Variants in TTN observed in about 807,000 individuals in gnomAD.
TTN encodes the protein titin, also known as connectin.
A neutral mutation model predicts 3,223.0 loss-of-function variants in TTN; 1,525 were observed. The observed-to-expected ratio is 0.47, with a 90% confidence interval of 0.45 to 0.49. The LOEUF (loss-of-function observed/expected upper bound fraction) is 0.49. TTN is among the 20% of genes least tolerant of loss of function. The pLI, the probability that TTN is intolerant of heterozygous loss-of-function variation, is 0.00. For missense variants in TTN, 40,786 were observed against 43,424.0 expected (o/e 0.94, Z 5.40); for synonymous variants, 14,094 against 15,161.0 (o/e 0.93, Z 5.17).
At position 178,561,372 on chromosome 2, in the gene TTN, C is replaced by T; in HGVS notation, c.84760G>A (p.Asp28254Asn). Residue 28254 changes from aspartate (D) to asparagine (N), a missense_variant, in exon 326 of 363, where the codon GAC becomes AAC. By Grantham distance (23) the Asp-to-Asn change is conservative (BLOSUM62 1). Transcript: ENST00000589042. Reference protein sequence around the residue: ...CEPVPARDPCDPPGQPEVTNI... With the variant: ...CEPVPARDPCNPPGQPEVTNI... Reference sequence around the variant, plus strand: ...GTGACTTCAGGTTGTCCAGGAGGGTCACAAGGATCTCTTGCAGGGACTGGT... The same window carrying T: ...GTGACTTCAGGTTGTCCAGGAGGGTTACAAGGATCTCTTGCAGGGACTGGT... 6.2e-7 allele frequency: 1 copy of T among 1,613,732 alleles called. No homozygotes were observed. The highest frequency in any genetic ancestry group is 8.5e-7 in the Non-Finnish European group (1 of 1,179,778).
At chr2:178,697,265 A>C in intron 112 of TTN, 97 bp from the exon 113 acceptor site, 1 of 1,012,244 alleles carries the variant, frequency 9.9e-7, no homozygotes, top group Non-Finnish European at 1.4e-6. Context: ...TGTTTGTAGG[A>C]GCTATGACTA....
Position 178,777,690 on chromosome 2 carries a change from CTT to C in TTN, c.4480+12_4480+13del, listed in dbSNP as rs1190151656. 6.2e-7 allele frequency: 1 copy of C among 1,613,884 alleles called. No homozygotes were observed. The highest frequency in any genetic ancestry group is 1.3e-5 in the African/African-American group (1 of 74,914). ...TGTTTTTATGATTCATGAGCAAAAACTTATCACGCTTACCATCATGAAACCAG... is the reference window on the plus strand; with the variant it reads ...TGTTTTTATGATTCATGAGCAAAAACATCACGCTTACCATCATGAAACCAG... On this transcript the variant is annotated intron_variant, in intron 25 of 362. Coordinates refer to ENST00000589042, the MANE Select transcript of TTN (RefSeq NM_001267550.2).
At chr2:178,716,013 C>T (rs975071992) in intron 88 of TTN, among the ~76,000 whole-genome samples, 5 of 152,096 alleles carry the variant, frequency 3.3e-5, no homozygotes, top group Admixed American at 1.3e-4. Flanking sequence ...AAAGACATTA[C>T]TCTTTATTGT....
rs753833148 is a variant in TTN, at chr2:178,769,933, T to C, written c.8648A>G (p.His2883Arg). 1.3e-5 allele frequency: 21 copies of C among 1,614,024 alleles called. No individual in the cohort carries two copies. The highest frequency in any genetic ancestry group is 1.2e-4 in the Admixed American group (7 of 60,000). ...GATATTTTTCATGGTTTTTGTAATA[T>C]GTAATGCTTGGTAAAATCAAAGAGC... The part of the protein sequence containing the change: ...CKAKLFVETL[H>R]ITKTMKNIEV... The change falls in exon 37 of 363, where the codon CAT becomes CGT. Residue 2883 changes from histidine (H) to arginine (R), a missense_variant. Transcript: ENST00000589042.
Position 178,537,682 on chromosome 2 carries a change from G to A in TTN, c.99525C>T (p.Ala33175=), listed in dbSNP as rs1420036285. ...QEDEGVYTCI[A]TNEVGEVETS... ...TTTCTACTTCTCCAACCTCATTGGT[G>A]GCTATGCAGGTATAAACACCTTCAT... is the stretch of plus-strand genomic sequence containing the variant. Residue 33175 remains alanine (A), a synonymous_variant, in exon 355 of 363, where the codon GCC becomes GCT. Coordinates refer to ENST00000589042, the MANE Select transcript of TTN (RefSeq NM_001267550.2). 1.2e-6 allele frequency: 2 copies of A among 1,613,632 alleles called. No homozygotes were observed. The highest frequency in any genetic ancestry group is 1.7e-6 in the Non-Finnish European group (2 of 1,179,782).
In TTN at chr2:178,580,127, A is replaced by G. The variant is rs768996343; in HGVS notation, c.67160T>C (p.Ile22387Thr). ...ATCACGTTTTTGTACCACATAGTTT[A>G]TGATGGGGCTTCCGCCATCAATAAT... Reference protein sequence around the residue: ...PPIIDGGSPIINYVVQKRDAE... With the variant: ...PPIIDGGSPITNYVVQKRDAE... The change falls in exon 318 of 363, where the codon ATA (isoleucine) becomes ACA (threonine). Residue 22387 changes from isoleucine to threonine, a missense_variant. Ile to Thr is a moderately conservative substitution (Grantham distance 89). Transcript: ENST00000589042. 1.9e-6 allele frequency: 3 copies of G among 1,613,236 alleles called. No homozygotes were observed. Among genetic ancestry groups the G allele is most frequent in the East Asian group, 2.2e-5 (1 of 44,810 alleles).
At position 178,553,168 on chromosome 2, in the gene TTN, A is replaced by C. The variant is rs1261129308; in HGVS notation, c.89732T>G (p.Ile29911Ser). The change falls in exon 335 of 363, where the codon ATT (isoleucine) becomes AGT (serine). Residue 29911 changes from isoleucine (I) to serine (S), a missense_variant. Ile to Ser is a moderately radical substitution (Grantham distance 142). Coordinates refer to ENST00000589042, the MANE Select transcript of TTN (RefSeq NM_001267550.2). ...QVTRNDTGKY[I>S]LTIENGVGEP... The stretch of plus-strand genomic sequence containing the variant: ...ACCAACTCCATTTTCTATTGTGAGA[A>C]TATATTTTCCTGTATCATTGCGAGT... The C allele has an allele frequency of 6.2e-7, 1 of 1,613,650 alleles. No individual in the cohort carries two copies. The highest frequency in any genetic ancestry group is 8.5e-7 in the Non-Finnish European group (1 of 1,179,716).
Position 178,806,163 on chromosome 2 carries a change from T to C in TTN, c.-14+1049A>G, listed in dbSNP as rs975747142. 2.6e-5 allele frequency among the ~76,000 whole-genome samples: 4 copies of C among 152,214 alleles called. No homozygotes were observed. In the East Asian group the frequency reaches 7.7e-4, roughly 29 times the overall value. Reference sequence around the variant, plus strand: ...TTCTCTGAGACAATAAAATTTATATTTGGAAAAATCAGATAATATCCAAAA... The same window carrying C: ...TTCTCTGAGACAATAAAATTTATATCTGGAAAAATCAGATAATATCCAAAA... On this transcript the variant is annotated intron_variant, in intron 1 of 362. Transcript: ENST00000589042.
rs1226538156 is a variant in TTN at position 178,624,454 on chromosome 2, A to G, written c.44815+11T>C. 3 of 1,611,160 alleles carry G rather than the reference A, an allele frequency of 1.9e-6. No individual in the cohort carries two copies. In the South Asian group the frequency reaches 3.3e-5, roughly 18 times the overall value. On this transcript the variant is annotated intron_variant, in intron 242 of 362. Coordinates refer to ENST00000589042, the MANE Select transcript of TTN (RefSeq NM_001267550.2). ...TGCAAATGAAAAGTCCTTTGTAAGAAGAATACTTACGCACGACATTCAGGT... is the reference window on the plus strand; with the variant it reads ...TGCAAATGAAAAGTCCTTTGTAAGAGGAATACTTACGCACGACATTCAGGT...
At chr2:178,625,472 T>C in intron 240 of TTN, 76 bp from the exon 241 acceptor site, 1 of 1,417,020 alleles carries the variant, frequency 7.1e-7, no homozygotes, top group Non-Finnish European at 9.2e-7. Context: ...TAGATAAAAA[T>C]AAATGGAAAT....
rs1181070487 is a variant in TTN, at chr2:178,773,906, T to C, written c.7262A>G (p.Asp2421Gly). ...MLLIEDMTKE[D>G]AGNYSFTIPA... is the part of the protein sequence containing the mutation. ...AATGGTGAAAGAGTAATTTCCAGCA[T>C]CTTCCTTAGTCATGTCTTCAATGAG... is the stretch of plus-strand genomic sequence containing the variant. The change falls in exon 31 of 363, where the codon GAT (aspartate) becomes GGT (glycine). Residue 2421 changes from aspartate to glycine, a missense_variant. Asp to Gly is a moderately conservative substitution (Grantham distance 94, BLOSUM62 -1). Transcript: ENST00000589042. 2 of 1,614,014 alleles carry C rather than the reference T, an allele frequency of 1.2e-6. No individual in the cohort carries two copies. Among genetic ancestry groups the C allele is most frequent in the African/African-American group, 1.3e-5 (1 of 74,934 alleles).
chr2:178,621,551 G>A lies in TTN; in HGVS notation c.45273C>T (p.Asn15091=), dbSNP rs72677223. 3.2e-4 allele frequency: 519 copies of A among 1,612,306 alleles called. No homozygotes were observed. The highest frequency in any genetic ancestry group is 4.0e-4 in the Non-Finnish European group (477 of 1,179,084). Residue 15091 remains asparagine, a synonymous_variant, in exon 245 of 363, where the codon AAC becomes AAT. Coordinates refer to ENST00000589042, the MANE Select transcript of TTN (RefSeq NM_001267550.2). ...AGTTGCCAGCATCCTCAAGGTGAGC[G>A]TTCTGAATGACCAGGATTCTCTTCC... ...EGRKRILVIQ[N]AHLEDAGNYN...
At position 178,571,711 on chromosome 2, in the gene TTN, G is replaced by T. The variant is rs1708252681; in HGVS notation, c.74421C>A (p.Asp24807Glu). The T allele has an allele frequency of 6.2e-7, 1 of 1,613,336 alleles. No individual in the cohort carries two copies. Among genetic ancestry groups the T allele is most frequent in the Non-Finnish European group, 8.5e-7 (1 of 1,179,608 alleles). Reference protein sequence around the residue: ...AIETLNVIVLDKPGPPTGPVK... With the variant: ...AIETLNVIVLEKPGPPTGPVK... ...CTGGTCCAGTTGGAGGCCCTGGTTTGTCAAGAACGATAACATTAAGGGTTT... is the reference window on the plus strand; with the variant it reads ...CTGGTCCAGTTGGAGGCCCTGGTTTTTCAAGAACGATAACATTAAGGGTTT... Residue 24807 changes from aspartate (D) to glutamate (E), a missense_variant, in exon 326 of 363, where the codon GAC becomes GAA. Transcript: ENST00000589042.
rs1388890805 is a variant in TTN at position 178,614,229 on chromosome 2, T to G, written c.49168A>C (p.Arg16390=). The G allele has an allele frequency of 6.2e-7, 1 of 1,612,520 alleles. No individual in the cohort carries two copies. The highest frequency in any genetic ancestry group is 2.2e-5 in the East Asian group (1 of 44,552). ...GSKITNYVVE[R]RATDSEVWHK... is the part of the protein sequence containing the mutation. ...CACACTTCACTATCAGTTGCTCGTCTCTCCACAACATAGTTTGTGATCTTA... is the reference window on the plus strand; with the variant it reads ...CACACTTCACTATCAGTTGCTCGTCGCTCCACAACATAGTTTGTGATCTTA... The change falls in exon 262 of 363, where the codon AGA becomes CGA. Residue 16390 remains arginine, a synonymous_variant. Transcript: ENST00000589042.
chr2:178,751,349 C>G (rs1458319550), intron 47 of TTN: 3 of 1,607,142 alleles, frequency 1.9e-6, no homozygotes, highest in South Asian at 1.1e-5. Flanking sequence ...AAGCCAACCT[C>G]TTATGTCAGA....
rs561152891 is a variant in TTN at position 178,565,593 on chromosome 2, G to A, written c.80539C>T (p.Gln26847Ter). ...NAVVTGLSSGQEYQFRVKAYN... is the reference protein window; with the variant it reads ...NAVVTGLSSG ...GCCTTGACACGGAACTGATATTCTT[G>A]TCCAGAACTCAAACCAGTAACAACT... The change falls in exon 326 of 363, where the codon CAA becomes TAA. Residue 26847 changes from glutamine (Q) to a stop codon, truncating the protein, a stop_gained. Coordinates refer to ENST00000589042, the MANE Select transcript of TTN (RefSeq NM_001267550.2). LOFTEE classifies it high-confidence loss of function. 6.2e-7 allele frequency: 1 copy of A among 1,613,372 alleles called. No individual in the cohort carries two copies. Among genetic ancestry groups the A allele is most frequent in the African/African-American group, 1.3e-5 (1 of 74,842 alleles).
At chr2:178,785,437 C>T (rs1182342094) in intron 15 of TTN, among the ~76,000 whole-genome samples, 183 bp downstream of exon 15, 1 of 152,114 alleles carries the variant, frequency 6.6e-6, no homozygotes, top group Non-Finnish European at 1.5e-5. Flanking sequence ...TAGGCTCACT[C>T]CCCTGGGCGA....
Position 178,541,589 on chromosome 2 carries a change from A to G in TTN, c.97493-5T>C, listed in dbSNP as rs886042619. The stretch of plus-strand genomic sequence containing the variant: ...TTTCTGGGGGTCCAGGAATACCTGC[A>G]GCAAGACAGAGGTTAACACGATATG... On this transcript the variant is annotated splice_polypyrimidine_tract_variant and splice_region_variant and intron_variant, in intron 349 of 362. Coordinates refer to ENST00000589042, the MANE Select transcript of TTN (RefSeq NM_001267550.2). 1.9e-6 allele frequency: 3 copies of G among 1,601,800 alleles called. No homozygotes were observed. In the South Asian group the frequency reaches 3.4e-5, roughly 18 times the overall value.
chr2:178,703,559 G>C (rs933446057), intron 106 of TTN, among the ~76,000 whole-genome samples: 1 of 152,182 alleles, frequency 6.6e-6, no homozygotes, highest in Non-Finnish European at 1.5e-5. Flanking sequence ...TCTCAATACA[G>C]TTTGAGGGTG....
Sources: gnomAD v4.1 joint callset for allele counts (sites outside exome capture counted in the v4.1 genomes callset) on GRCh38, gnomAD v4.1.1 for gene constraint, MANE v1.5 for transcripts, NCBI Gene and HGNC (gene_info 2026-07-23, HGNC 2026-07-21) for gene names.